The following PGGT1B variants were observed in gnomAD, a reference collection of about 807,000 sequenced individuals.
PGGT1B encodes geranylgeranyl transferase type-1 subunit beta.
In PGGT1B, 30 loss-of-function variants were observed where a neutral mutation model predicts 46.1. The ratio of observed to expected loss-of-function variants is 0.65; its 90% CI spans 0.49 to 0.88. The LOEUF is 0.88. Among genes scored for constraint, PGGT1B ranks in the 40% least tolerant of loss-of-function variants. PGGT1B has a pLI of 0.00. For missense variants in PGGT1B, 376 were observed against 455.9 expected (o/e 0.82, Z 1.60); for synonymous variants, 170 against 160.0 (o/e 1.06, Z -0.47).
In PGGT1B at chr5:115,244,673, C is replaced by A. The variant is rs1429811754; in HGVS notation, c.260-3067G>T. Among the ~76,000 whole-genome samples, 6 of 152,032 alleles carry A rather than the reference C, an allele frequency of 3.9e-5. No homozygotes were observed. In the East Asian group the frequency reaches 1.2e-3, roughly 30 times the overall value. On this transcript the variant is annotated intron_variant, in intron 2 of 8. Transcript: ENST00000419445. ...GGGGCATGATCTCGGCTCACTGCAA[C>A]CTTGCCTCGCAGGCACAAGCAATTC... is the stretch of plus-strand genomic sequence containing the variant.
intron 2 of PGGT1B, among the ~76,000 whole-genome samples, chr5:115,248,340 T>C (rs72813836): frequency 0.041 from 6,225 of 152,308 alleles, 132 homozygotes; most frequent in South Asian, 0.058. Context: ...CATTCTAATC[T>C]TGTCTCTAGC....
intron 2 of PGGT1B, among the ~76,000 whole-genome samples, chr5:115,247,920 T>A (rs770888568): frequency 6.6e-6 from 1 of 152,216 alleles, no homozygotes; most frequent in Non-Finnish European, 1.5e-5. Flanking sequence ...ATGAACATTG[T>A]AAAACCATTT....
At chr5:115,229,446 A>G (rs1756905585) in intron 6 of PGGT1B, among the ~76,000 whole-genome samples, 1 of 152,184 alleles carries the variant, frequency 6.6e-6, no homozygotes, top group African/African-American at 2.4e-5. Flanking sequence ...GGCATGAACT[A>G]TAGCCCATCA....
chr5:115,248,904 A>G (rs1175399204), intron 2 of PGGT1B, among the ~76,000 whole-genome samples: 2 of 152,214 alleles, frequency 1.3e-5, no homozygotes, highest in African/African-American at 4.8e-5. Flanking sequence ...AAATTATAAA[A>G]TAGTAAATAA....
intron 5 of PGGT1B, chr5:115,231,877 C>G (rs1481295437): frequency 6.6e-6 from 1 of 152,044 alleles, no homozygotes; most frequent in African/African-American, 2.4e-5. Flanking sequence ...TACAAAACTC[C>G]GTTGCTGGCT....
At chr5:115,261,709 T>C (rs1748562533) in intron 1 of PGGT1B, among the ~76,000 whole-genome samples, 1 of 152,210 alleles carries the variant, frequency 6.6e-6, no homozygotes, top group African/African-American at 2.4e-5. Context: ...ACATACGTAA[T>C]GTGAGGTGGT....
intron 5 of PGGT1B, among the ~76,000 whole-genome samples, chr5:115,235,360 T>C (rs1200242753): frequency 6.6e-6 from 1 of 152,076 alleles, no homozygotes; most frequent in Non-Finnish European, 1.5e-5. Context: ...ATGCTAGAGC[T>C]GGAAAATCAT....
intron 7 of PGGT1B, among the ~76,000 whole-genome samples, chr5:115,218,631 G>T (rs1424128033): frequency 6.6e-6 from 1 of 151,086 alleles, no homozygotes; most frequent in African/African-American, 2.4e-5. Flanking sequence ...TCTGTACAAA[G>T]TATATCTCAG....
At chr5:115,257,966 T>G (rs1350543037) in intron 1 of PGGT1B, among the ~76,000 whole-genome samples, 1 of 152,226 alleles carries the variant, frequency 6.6e-6, no homozygotes, top group Non-Finnish European at 1.5e-5. Context: ...ACTGCATGAA[T>G]TCTGGAATTT....
chr5:115,219,556 T>C (rs1756524553), intron 7 of PGGT1B, among the ~76,000 whole-genome samples: 1 of 151,836 alleles, frequency 6.6e-6, no homozygotes, highest in South Asian at 2.1e-4. Context: ...TTTATGGACA[T>C]GACACCAATA....
At chr5:115,231,900 A>C (rs1382047004) in intron 5 of PGGT1B, 1 of 152,058 alleles carries the variant, frequency 6.6e-6, no homozygotes, top group African/African-American at 2.4e-5. Flanking sequence ...TCACTCTGCA[A>C]ATCACTACAT....
intron 2 of PGGT1B, among the ~76,000 whole-genome samples, chr5:115,242,761 G>C (rs939307524): frequency 2.6e-5 from 4 of 152,162 alleles, no homozygotes; most frequent in Admixed American, 6.5e-5. Flanking sequence ...GAGGTCAGGA[G>C]TTCCAGACCA....
intron 2 of PGGT1B, among the ~76,000 whole-genome samples, chr5:115,248,060 C>T (rs1257875269): frequency 3.3e-5 from 5 of 152,088 alleles, no homozygotes; most frequent in African/African-American, 1.2e-4. Context: ...AAAAGTGAGC[C>T]ATCTGAAGAA....
chr5:115,213,663 C>T lies in PGGT1B; in HGVS notation c.953-1080G>A, dbSNP rs187198098. On this transcript the variant is annotated intron_variant, in intron 8 of 8. Coordinates refer to ENST00000419445, the MANE Select transcript of PGGT1B (RefSeq NM_005023.4). The stretch of plus-strand genomic sequence containing the variant: ...GCGTGCGCCTGTAGTTCCGGCTACT[C>T]GGGAGGCTGAGGTGGGAGGCTCACC... Among the ~76,000 whole-genome samples the T allele has an allele frequency of 1.4e-3, 207 of 151,868 alleles. 1 individual carries two copies. Among genetic ancestry groups the T allele is most frequent in the Non-Finnish European group, 2.3e-3 (157 of 67,838 alleles).
Position 115,210,753 on chromosome 5 carries a change from C to T in PGGT1B, c.*1649G>A, listed in dbSNP as rs1027441635. The T allele has an allele frequency of 5.3e-5, 8 of 151,890 alleles. 1 individual carries two copies. The highest frequency in any genetic ancestry group is 1.7e-4 in the African/African-American group (7 of 41,364). 9.4% of individuals were successfully genotyped at this position (151,890 alleles called of 1,614,324 possible). A position where few individuals can be genotyped will look rare whatever the true frequency, so the allele number is the denominator to read the frequency against. Reference sequence around the variant, plus strand: ...TTAACTTCCAATGTCTAAGAGATGACTTAGTTTGAGATATGGATGTCTTAA... The same window carrying T: ...TTAACTTCCAATGTCTAAGAGATGATTTAGTTTGAGATATGGATGTCTTAA... On this transcript the variant is annotated 3_prime_UTR_variant, in exon 9 of 9. Coordinates refer to ENST00000419445, the MANE Select transcript of PGGT1B (RefSeq NM_005023.4).
intron 2 of PGGT1B, among the ~76,000 whole-genome samples, chr5:115,247,906 A>G (rs1255016354): frequency 2.0e-5 from 3 of 152,232 alleles, no homozygotes; most frequent in African/African-American, 7.2e-5. Context: ...TGCTGGATAT[A>G]TAAATGAACA....
At chr5:115,255,317 C>G (rs990650771) in intron 1 of PGGT1B, among the ~76,000 whole-genome samples, 1 of 152,108 alleles carries the variant, frequency 6.6e-6, no homozygotes, top group South Asian at 2.1e-4. Flanking sequence ...ATGGGAAAAA[C>G]CTCTACATAA....
chr5:115,233,990 G>A (rs2127007643), intron 5 of PGGT1B, among the ~76,000 whole-genome samples: 1 of 152,012 alleles, frequency 6.6e-6, no homozygotes, highest in African/African-American at 2.4e-5. Context: ...TATGCAGGAA[G>A]TTATTAATTA....
intron 2 of PGGT1B, among the ~76,000 whole-genome samples, chr5:115,245,580 G>A (rs1222348299): frequency 1.3e-5 from 2 of 152,188 alleles, no homozygotes; most frequent in Admixed American, 1.3e-4. Context: ...TGTTTAGATT[G>A]TACTTAGCAA....
Sources: gnomAD v4.1 joint callset for allele counts (sites outside exome capture counted in the v4.1 genomes callset) on GRCh38, gnomAD v4.1.1 for gene constraint, MANE v1.5 for transcripts, NCBI Gene and HGNC (gene_info 2026-07-23, HGNC 2026-07-21) for gene names.